Variants in NBAS observed in about 807,000 individuals in gnomAD.
NBAS encodes the protein NAG/BC035112 fusion.
In NBAS, 219 loss-of-function variants were observed where a neutral mutation model predicts 302.5. The ratio of observed to expected loss-of-function variants is 0.72; its 90% CI spans 0.65 to 0.81. NBAS has a LOEUF of 0.81. NBAS is among the 30% of genes least tolerant of loss of function. The pLI is 0.00. For missense variants in NBAS, 2,932 were observed against 2,841.6 expected (o/e 1.03, Z -0.72); for synonymous variants, 1,118 against 1,021.6 (o/e 1.09, Z -1.80).
chr2:14,952,307 C>G, the NBAS span, among the ~76,000 whole-genome samples: 1 of 152,232 alleles, frequency 6.6e-6, no homozygotes, highest in Non-Finnish European at 1.5e-5. Context: ...CCAAAGGCTT[C>G]CATCTTCCTC....
intron 6 of NBAS, among the ~76,000 whole-genome samples, chr2:15,539,664 T>C (rs1451928632): frequency 6.6e-6 from 1 of 152,144 alleles, no homozygotes; most frequent in Non-Finnish European, 1.5e-5. Context: ...CCTCAAAATA[T>C]CTGTAATACT....
chr2:15,453,903 G>C (rs10204568), intron 21 of NBAS, among the ~76,000 whole-genome samples: 94,184 of 151,110 alleles, frequency 0.62, 30,063 homozygotes, highest in Middle Eastern at 0.68. Flanking sequence ...CTCAGCCTCT[G>C]GAGTAGTTGG....
At chr2:14,994,727 G>A in the NBAS span, among the ~76,000 whole-genome samples, 16 of 152,104 alleles carry the variant, frequency 1.1e-4, no homozygotes, top group Admixed American at 2.6e-4. Flanking sequence ...ACCTTAACCC[G>A]TTACCTGTCC....
chr2:15,323,754 G>A (rs1671930128), intron 38 of NBAS, among the ~76,000 whole-genome samples: 1 of 151,916 alleles, frequency 6.6e-6, no homozygotes. Context: ...AGGGTCACTT[G>A]TGCACAGGAG....
chr2:15,126,820 C>T, the NBAS span, among the ~76,000 whole-genome samples: 10 of 152,292 alleles, frequency 6.6e-5, no homozygotes, highest in East Asian at 1.9e-4. Flanking sequence ...CTGCTAAGCA[C>T]GCTACAAACT....
intron 30 of NBAS, among the ~76,000 whole-genome samples, chr2:15,376,497 G>A (rs1053231540): frequency 9.9e-5 from 15 of 152,120 alleles, no homozygotes; most frequent in Non-Finnish European, 1.9e-4. Flanking sequence ...AAATAGAATC[G>A]CTTAGGAGAA....
chr2:15,305,237 C>A (rs1252986128), intron 40 of NBAS, among the ~76,000 whole-genome samples: 2 of 152,004 alleles, frequency 1.3e-5, no homozygotes, highest in Non-Finnish European at 2.9e-5. Flanking sequence ...TGGTTTCCCC[C>A]AAGCTGTTCT....
At chr2:15,553,055 G>A (rs566487609) in intron 5 of NBAS, among the ~76,000 whole-genome samples, 4 of 152,122 alleles carry the variant, frequency 2.6e-5, no homozygotes, top group South Asian at 2.1e-4. Flanking sequence ...TGCCCGCCTC[G>A]GCCTCCCAAA....
intron 13 of NBAS, 126 bp from the exon 14 acceptor site, chr2:15,476,006 AAAT>A: frequency 1.4e-6 from 1 of 690,666 alleles, no homozygotes; most frequent in South Asian, 2.5e-5. Context: ...ATGGTATGTT[AAAT>A]AATAAGAAAA....
chr2:15,488,919 T>C lies in NBAS; in HGVS notation c.1058A>G (p.Gln353Arg). The C allele has an allele frequency of 6.2e-7, 1 of 1,613,822 alleles. No homozygotes were observed. Residue 353 changes from glutamine (Q) to arginine (R), a missense_variant, in exon 12 of 52, where the codon CAA becomes CGA. Transcript: ENST00000281513. The part of the protein sequence containing the change: ...SIWAIPSLKQ[Q>R]GEWGQNEQPG... ...CTGCTCATTTTGACCCCATTCCCCTTGTTGCTTCAGAGATGGAATCGCCCA... is the reference window on the plus strand; with the variant it reads ...CTGCTCATTTTGACCCCATTCCCCTCGTTGCTTCAGAGATGGAATCGCCCA...
chr2:14,869,090 G>A, the NBAS span, among the ~76,000 whole-genome samples: 1 of 152,138 alleles, frequency 6.6e-6, no homozygotes, highest in South Asian at 2.1e-4. Context: ...GCAGCTAATG[G>A]AAAAAGACAG....
At chr2:15,192,233 T>C (rs930374229) in intron 48 of NBAS, among the ~76,000 whole-genome samples, 2 of 143,008 alleles carry the variant, frequency 1.4e-5, no homozygotes, top group South Asian at 4.7e-4. Flanking sequence ...AAGAAGAGGC[T>C]ATTTTTTTTT....
chr2:14,804,890 CTTA>C, the NBAS span, among the ~76,000 whole-genome samples: 3 of 152,208 alleles, frequency 2.0e-5, no homozygotes, highest in African/African-American at 7.2e-5. Context: ...AAATTATTAA[CTTA>C]TTATCAGCAT....
rs1425763236 is a variant in NBAS at position 15,539,351 on chromosome 2, T to C, written c.385A>G (p.Lys129Glu). Residue 129 changes from lysine to glutamate, a missense_variant, in exon 7 of 52, where the codon AAA becomes GAA. Coordinates refer to ENST00000281513, the MANE Select transcript of NBAS (RefSeq NM_015909.4). The stretch of plus-strand genomic sequence containing the variant: ...CGTCTCCACTGGGGTTTCGGGTCTT[T>C]CGGAACTAGAACAAAAGAAAACAAG... Reference protein sequence around the residue: ...TSIIGKCQVPKDPKPQWRRVA... With the variant: ...TSIIGKCQVPEDPKPQWRRVA... 6.2e-7 allele frequency: 1 copy of C among 1,614,088 alleles called. No homozygotes were observed.
chr2:15,362,299 G>A (rs1276601363), intron 32 of NBAS, among the ~76,000 whole-genome samples: 4 of 148,052 alleles, frequency 2.7e-5, no homozygotes, highest in Non-Finnish European at 3.0e-5. Context: ...AAAACAGAGC[G>A]AGACCTCATC....
intron 48 of NBAS, among the ~76,000 whole-genome samples, chr2:15,204,949 G>T (rs1666070165): frequency 6.6e-6 from 1 of 151,748 alleles, no homozygotes; most frequent in Non-Finnish European, 1.5e-5. Context: ...CATGGCACAG[G>T]TATACATATG....
the NBAS span, among the ~76,000 whole-genome samples, chr2:14,801,554 C>T: frequency 6.6e-6 from 1 of 152,032 alleles, no homozygotes; most frequent in African/African-American, 2.4e-5. Context: ...TTTCCTTTGG[C>T]TCCTTGAATA....
intron 51 of NBAS, among the ~76,000 whole-genome samples, chr2:15,167,924 C>T (rs756134123): frequency 2.8e-4 from 42 of 152,170 alleles, no homozygotes; most frequent in Non-Finnish European, 4.3e-4. Context: ...CCCACTGATA[C>T]GAGTAAGATA....
chr2:14,979,552 C>T, the NBAS span, among the ~76,000 whole-genome samples: 15 of 152,128 alleles, frequency 9.9e-5, no homozygotes, highest in African/African-American at 9.7e-5. Context: ...AGCAAATTTC[C>T]TCAAGTCACA....
Sources: allele counts gnomAD v4.1 joint callset (sites outside exome capture counted in the v4.1 genomes callset), GRCh38; gene constraint gnomAD v4.1.1; transcripts MANE v1.5; gene names NCBI Gene and HGNC (gene_info 2026-07-23, HGNC 2026-07-21).